The following TMEM74 variants were observed in gnomAD, a reference collection of about 807,000 sequenced individuals.
The protein encoded by TMEM74 is transmembrane protein 74.
A neutral mutation model predicts 18.1 loss-of-function variants in TMEM74; 13 were observed. The observed-to-expected ratio is 0.72, with a 90% CI of 0.47 to 1.14. The LOEUF (loss-of-function observed/expected upper bound fraction) is 1.14, where lower values mean the gene tolerates loss of function less well. Among genes scored for constraint, TMEM74 ranks in the 50% most tolerant of loss-of-function variants. The pLI is 0.00. For synonymous variants in TMEM74, 159 were observed against 146.6 expected (o/e 1.08, Z -0.61); for missense variants, 372 against 375.9 (o/e 0.99, Z 0.09).
intron 1 of TMEM74, among the ~76,000 whole-genome samples, chr8:108,741,380 A>G (rs1442258366): frequency 6.6e-6 from 1 of 152,230 alleles, no homozygotes; most frequent in Non-Finnish European, 1.5e-5. Context: ...ATAAAGCATT[A>G]CATAGTAAAA....
Position 108,618,363 on chromosome 8 carries a change from T to C in TMEM74, n.265-9537A>G, listed in dbSNP as rs1356703005. On this transcript the variant is annotated intron_variant and non_coding_transcript_variant, in intron 2 of 3. Transcript: ENST00000518838. ...TATAATTTCCTTGTTAGGTCTTTGC[T>C]TGAGGCTGGTTTTGGAACTCAAACT... Among the ~76,000 whole-genome samples the C allele has an allele frequency of 2.0e-5, 3 of 152,166 alleles. No individual in the cohort carries two copies. In the East Asian group the frequency reaches 5.8e-4, roughly 29 times the overall value.
intron 1 of TMEM74, among the ~76,000 whole-genome samples, chr8:108,661,323 T>C (rs1225259407): frequency 2.0e-5 from 3 of 151,804 alleles, no homozygotes; most frequent in Non-Finnish European, 4.4e-5. Flanking sequence ...AAGAATTGCT[T>C]TGTGATTTTT....
intron 1 of TMEM74, among the ~76,000 whole-genome samples, chr8:108,719,020 G>A (rs1024187847): frequency 1.1e-4 from 17 of 150,960 alleles, no homozygotes; most frequent in Admixed American, 3.3e-4. Flanking sequence ...ATATATATTT[G>A]TATCCTTGTA....
chr8:108,707,894 T>G (rs1325531808), intron 1 of TMEM74, among the ~76,000 whole-genome samples: 1 of 151,936 alleles, frequency 6.6e-6, no homozygotes, highest in Non-Finnish European at 1.5e-5. Context: ...GTTTTAACTT[T>G]TAGGTTCAGG....
chr8:108,706,776 G>GTTGTGT (rs1554574025), intron 1 of TMEM74, among the ~76,000 whole-genome samples: 1 of 144,870 alleles, frequency 6.9e-6, no homozygotes, highest in Admixed American at 6.9e-5. Flanking sequence ...AATTACAAGG[G>GTTGTGT]GTGTGTGTGT....
At chr8:108,649,850 T>C (rs934444412) in intron 2 of TMEM74, among the ~76,000 whole-genome samples, 1 of 152,158 alleles carries the variant, frequency 6.6e-6, no homozygotes, top group Non-Finnish European at 1.5e-5. Flanking sequence ...TTGGCAATTT[T>C]TTTCACTAAA....
At chr8:108,689,256 A>T (rs1813201484) in intron 1 of TMEM74, among the ~76,000 whole-genome samples, 1 of 152,192 alleles carries the variant, frequency 6.6e-6, no homozygotes, top group African/African-American at 2.4e-5. Context: ...AATGCGGACA[A>T]ATACCAAATA....
chr8:108,710,473 C>A (rs1362440420), intron 1 of TMEM74, among the ~76,000 whole-genome samples: 1 of 152,196 alleles, frequency 6.6e-6, no homozygotes, highest in Non-Finnish European at 1.5e-5. Flanking sequence ...ACTAAGCCAA[C>A]TGTTATGGCC....
chr8:108,662,180 G>T (rs932187984), intron 1 of TMEM74, among the ~76,000 whole-genome samples: 1 of 151,994 alleles, frequency 6.6e-6, no homozygotes, highest in Non-Finnish European at 1.5e-5. Context: ...AGGTGGAAAA[G>T]TTGAGGAGGT....
chr8:108,725,764 A>G (rs1813630979), intron 1 of TMEM74, among the ~76,000 whole-genome samples: 1 of 152,238 alleles, frequency 6.6e-6, no homozygotes, highest in Admixed American at 6.5e-5. Flanking sequence ...TGAAAGCAAT[A>G]TGTCTTTAAA....
intron 2 of TMEM74, among the ~76,000 whole-genome samples, chr8:108,644,046 C>T (rs1287399261): frequency 6.6e-6 from 1 of 152,050 alleles, no homozygotes; most frequent in African/African-American, 2.4e-5. Context: ...GTAGACAAAG[C>T]AATCTCAAGC....
At chr8:108,638,496 A>G (rs1812628775) in intron 2 of TMEM74, among the ~76,000 whole-genome samples, 4 of 151,910 alleles carry the variant, frequency 2.6e-5, no homozygotes, top group Admixed American at 2.6e-4. Context: ...ATAGATTCAA[A>G]CTAAGTCAAT....
At chr8:108,617,793 T>G (rs1453707326) in intron 2 of TMEM74, among the ~76,000 whole-genome samples, 3 of 151,980 alleles carry the variant, frequency 2.0e-5, no homozygotes, top group African/African-American at 7.2e-5. Context: ...AAATAAAAAT[T>G]TTACCTACTT....
downstream of TMEM74, among the ~76,000 whole-genome samples, chr8:108,776,580 C>T (rs1232345009): frequency 6.6e-6 from 1 of 152,192 alleles, no homozygotes. Flanking sequence ...GATTGTAGTA[C>T]AAGATATTTA....
At chr8:108,775,651 T>C, downstream of TMEM74, among the ~76,000 whole-genome samples, 1 of 152,238 alleles carries the variant, frequency 6.6e-6, no homozygotes, top group East Asian at 1.9e-4. Context: ...TAATGCTCTT[T>C]GACATAAGGC....
rs1417453338 is a variant in TMEM74 at position 108,681,132 on chromosome 8, C to T, written n.120-25695G>A. 3.3e-5 allele frequency among the ~76,000 whole-genome samples: 5 copies of T among 152,164 alleles called. No homozygotes were observed. In the East Asian group the frequency reaches 9.6e-4, roughly 29 times the overall value. The stretch of plus-strand genomic sequence containing the variant: ...ATTCAATGCCATCCCCATTAAGCTA[C>T]CAATGACTTTCTTCACAGAATTGGA... On this transcript the variant is annotated intron_variant and non_coding_transcript_variant, in intron 1 of 3. Coordinates refer to the TMEM74 transcript ENST00000518838.
At chr8:108,645,655 G>A (rs1206717733) in intron 2 of TMEM74, among the ~76,000 whole-genome samples, 4 of 152,042 alleles carry the variant, frequency 2.6e-5, no homozygotes, top group African/African-American at 9.7e-5. Context: ...AATGGTTCTG[G>A]GTCTGAGGGC....
intron 1 of TMEM74, among the ~76,000 whole-genome samples, chr8:108,663,495 G>C (rs1003761145): frequency 6.6e-6 from 1 of 152,070 alleles, no homozygotes; most frequent in Non-Finnish European, 1.5e-5. Flanking sequence ...AAAAATGAAC[G>C]CTTTTATACT....
At chr8:108,718,513 G>A (rs1044577998) in intron 1 of TMEM74, among the ~76,000 whole-genome samples, 5 of 152,128 alleles carry the variant, frequency 3.3e-5, no homozygotes, top group African/African-American at 7.2e-5. Context: ...GGGGAAGAGC[G>A]CAGACTCCTC....
Sources: allele counts gnomAD v4.1 joint callset (sites outside exome capture counted in the v4.1 genomes callset), GRCh38; gene constraint gnomAD v4.1.1; transcripts MANE v1.5; gene names NCBI Gene and HGNC (gene_info 2026-07-23, HGNC 2026-07-21).